Variants in MEF2C observed in about 807,000 individuals in gnomAD.
MEF2C encodes myocyte enhancer factor 2C.
A neutral mutation model predicts 50.5 loss-of-function variants in MEF2C; 6 were observed. The observed-to-expected ratio is 0.12, with a 90% confidence interval of 0.07 to 0.23. The LOEUF (loss-of-function observed/expected upper bound fraction) is 0.23. Ranked by LOEUF, MEF2C falls within the 10% of genes least tolerant of loss-of-function variation. The pLI is 1.00. For synonymous variants in MEF2C, 183 were observed against 228.0 expected, an observed-to-expected ratio of 0.80 and a Z score of 1.78; for missense variants, 276 against 605.0, an observed-to-expected ratio of 0.46 and a Z score of 5.70.
At chr5:88,850,625 G>A (rs1381875362) in intron 1 of MEF2C, among the ~76,000 whole-genome samples, 1 of 151,982 alleles carries the variant, frequency 6.6e-6, no homozygotes, top group Non-Finnish European at 1.5e-5. Flanking sequence ...ACATGGAGCA[G>A]TAATTGTAAC....
chr5:88,841,013 AC>A (rs1194577170), intron 1 of MEF2C, among the ~76,000 whole-genome samples: 1 of 152,196 alleles, frequency 6.6e-6, no homozygotes, highest in Non-Finnish European at 1.5e-5. Context: ...AAGATAAATA[AC>A]ACATGGATTT....
chr5:88,742,420 C>A (rs1767259694), intron 6 of MEF2C: 9 of 983,280 alleles, frequency 9.2e-6, no homozygotes, highest in Non-Finnish European at 1.1e-5. Flanking sequence ...TAAAAACAAC[C>A]AAGGTTTTCT....
chr5:88,797,454 CCTTT>C lies in MEF2C; in HGVS notation c.258+7140_258+7143del, dbSNP rs1796482701. Among the ~76,000 whole-genome samples the C allele has an allele frequency of 7.9e-5, 2 of 25,218 alleles. 1 individual carries two copies. The highest frequency in any genetic ancestry group is 2.4e-3 in the South Asian group (2 of 848). The allele number at this position is 25,218 out of a possible 152,430, so 16.5% of individuals were successfully genotyped here. ...TCACAGACTAGGATTGCAACCCTTG[CCTTT>C]TTTTTTTTTTTTTTTTTTTTTTTTG... is the stretch of plus-strand genomic sequence containing the variant. On this transcript the variant is annotated intron_variant, in intron 3 of 10. Coordinates refer to ENST00000504921, the MANE Select transcript of MEF2C (RefSeq NM_002397.5).
chr5:88,749,350 TA>T (rs1364330730), intron 5 of MEF2C: 2 of 984,574 alleles, frequency 2.0e-6, no homozygotes, highest in African/African-American at 1.7e-5. Flanking sequence ...AAGTTACATT[TA>T]AAAAAATCCA....
intron 6 of MEF2C, chr5:88,748,836 T>C: frequency 2.0e-6 from 2 of 985,446 alleles, no homozygotes; most frequent in Non-Finnish European, 2.4e-6. Flanking sequence ...CTTAATTCTC[T>C]GCTGACCAGT....
At chr5:88,794,438 G>A (rs1429879456) in intron 3 of MEF2C, among the ~76,000 whole-genome samples, 3 of 152,138 alleles carry the variant, frequency 2.0e-5, no homozygotes, top group South Asian at 2.1e-4. Flanking sequence ...TTGCATGAAC[G>A]TCTTCTTTTG....
rs1362513564 is a variant in MEF2C at position 88,720,769 on chromosome 5, G to A, written c.*1835C>T. ...GTCTGAAAATTAATCCCTTATAGACGAATATTAGACAAGAGTCATTTTTTT... is the reference window on the plus strand; with the variant it reads ...GTCTGAAAATTAATCCCTTATAGACAAATATTAGACAAGAGTCATTTTTTT... On this transcript the variant is annotated 3_prime_UTR_variant, in exon 11 of 11. Coordinates refer to ENST00000504921, the MANE Select transcript of MEF2C (RefSeq NM_002397.5). 2.0e-5 allele frequency: 3 copies of A among 146,538 alleles called. No individual in the cohort carries two copies. The highest frequency in any genetic ancestry group is 2.3e-4 in the South Asian group (1 of 4,402). The allele number at this position is 146,538 out of a possible 1,614,324, so 9.1% of individuals were successfully genotyped here.
intron 3 of MEF2C, among the ~76,000 whole-genome samples, chr5:88,765,545 G>T: frequency 6.6e-6 from 1 of 152,182 alleles, no homozygotes; most frequent in East Asian, 1.9e-4. Flanking sequence ...ATGAATAGTC[G>T]ATATGAACGA....
chr5:88,807,827 G>A (rs1339698906), intron 2 of MEF2C, among the ~76,000 whole-genome samples: 2 of 152,060 alleles, frequency 1.3e-5, no homozygotes, highest in African/African-American at 2.4e-5. Context: ...AGTGACCATC[G>A]TTTGGAAAAT....
chr5:88,887,464 C>G (rs1834130278), upstream of MEF2C: 1 of 152,146 alleles, frequency 6.6e-6, no homozygotes, highest in East Asian at 1.9e-4. Flanking sequence ...TTTATGGTAA[C>G]TCTGTGGTAA....
At chr5:88,790,772 G>A (rs1308281999) in intron 3 of MEF2C, among the ~76,000 whole-genome samples, 1 of 152,072 alleles carries the variant, frequency 6.6e-6, no homozygotes, top group African/African-American at 2.4e-5. Context: ...TCATCAGTAA[G>A]TTGATATATA....
intron 1 of MEF2C, among the ~76,000 whole-genome samples, chr5:88,891,818 T>G (rs976530516): frequency 1.1e-4 from 17 of 152,114 alleles, no homozygotes; most frequent in African/African-American, 4.1e-4. Flanking sequence ...TATTGTTTTG[T>G]TTTGTTCTGT....
At chr5:88,833,275 A>T (rs1813748735) in intron 1 of MEF2C, among the ~76,000 whole-genome samples, 2 of 152,170 alleles carry the variant, frequency 1.3e-5, no homozygotes, top group Admixed American at 1.3e-4. Context: ...ATGTGTAATA[A>T]ATGTACTAAA....
At chr5:88,854,209 A>G (rs1399510159) in intron 1 of MEF2C, among the ~76,000 whole-genome samples, 2 of 152,226 alleles carry the variant, frequency 1.3e-5, no homozygotes, top group African/African-American at 4.8e-5. Flanking sequence ...GTATTAGGAT[A>G]CAATAAATAG....
At chr5:88,743,461 C>T in intron 6 of MEF2C, 3 of 985,306 alleles carry the variant, frequency 3.0e-6, no homozygotes, top group Non-Finnish European at 3.6e-6. Flanking sequence ...CATTGTCTGA[C>T]CTTTCCTCTT....
Position 88,769,741 on chromosome 5 carries a change from T to C in MEF2C, c.259-8413A>G, listed in dbSNP as rs532373983. Reference sequence around the variant, plus strand: ...CTCACTGCAACCTCTGCCTCCTGGGTTCAAGTGATCTTCCCACTTCAGTCT... The same window carrying C: ...CTCACTGCAACCTCTGCCTCCTGGGCTCAAGTGATCTTCCCACTTCAGTCT... On this transcript the variant is annotated intron_variant, in intron 3 of 10. Coordinates refer to ENST00000504921, the MANE Select transcript of MEF2C (RefSeq NM_002397.5). 2.6e-5 allele frequency among the ~76,000 whole-genome samples: 4 copies of C among 152,222 alleles called. No homozygotes were observed. In the East Asian group the frequency reaches 7.7e-4, roughly 29 times the overall value.
At chr5:88,804,839 A>T in intron 2 of MEF2C, 38 bp from the exon 3 acceptor site, 1 of 1,546,466 alleles carries the variant, frequency 6.5e-7, no homozygotes, top group African/African-American at 1.4e-5. Flanking sequence ...TTTAAAAAAT[A>T]TTCATGCATG....
intron 6 of MEF2C, chr5:88,735,808 G>A: frequency 1.0e-6 from 1 of 985,392 alleles, no homozygotes. Context: ...AAGATATTAT[G>A]AGGAAGGCAT....
At chr5:88,728,459 C>T (rs1759883443) in intron 10 of MEF2C, 34 bp downstream of exon 10, 2 of 1,341,636 alleles carry the variant, frequency 1.5e-6, no homozygotes, top group South Asian at 2.2e-5. Flanking sequence ...AAAATACATT[C>T]TAAAATTATA....
Sources: gnomAD v4.1 joint callset for allele counts (sites outside exome capture counted in the v4.1 genomes callset) on GRCh38, gnomAD v4.1.1 for gene constraint, MANE v1.5 for transcripts, NCBI Gene and HGNC (gene_info 2026-07-23, HGNC 2026-07-21) for gene names.